TEX26: variants seen among roughly 807,000 people sequenced by gnomAD.
TEX26 encodes testis-expressed protein 26.
A neutral mutation model predicts 35.3 loss-of-function variants in TEX26; 34 were observed. That is an observed-to-expected ratio of 0.96 (90% CI 0.73 to 1.28). The LOEUF is 1.28. TEX26 is among the 50% of genes most tolerant of loss of function. The pLI is 0.00. For synonymous variants in TEX26, 136 were observed against 111.8 expected (o/e 1.22, Z -1.36); for missense variants, 371 against 330.1 (o/e 1.12, Z -0.96).
chr13:30,932,948 G>T (rs1953128476), intron 1 of TEX26, 172 bp downstream of exon 1: 5 of 644,576 alleles, frequency 7.8e-6, no homozygotes, highest in Admixed American at 6.0e-5. Flanking sequence ...CCTTCATGAC[G>T]CTGCCCCTTT....
intron 4 of TEX26, among the ~76,000 whole-genome samples, chr13:30,963,075 G>A (rs746744626): frequency 5.9e-5 from 9 of 151,766 alleles, no homozygotes; most frequent in Non-Finnish European, 1.0e-4. Context: ...TGATCCACCC[G>A]CCTCGGCCTC....
chr13:30,974,131 A>AAATATATATATATATATATAT lies in TEX26; in HGVS notation c.809-714_809-713insATATATATATATATATATATA. Among the ~76,000 whole-genome samples, 14 of 84,408 alleles carry AAATATATATATATATATATAT rather than the reference A, an allele frequency of 1.7e-4. No homozygotes were observed. The East Asian group carries it at 3.8e-3, about 23-fold the overall frequency. 55.4% of individuals were successfully genotyped at this position (84,408 alleles called of 152,430 possible). ...GTGAGCCTCCATCTAAAAAAAAAAA[A>AAATATATATATATATATATAT]ATATATATATATATATATATATATA... On this transcript the variant is annotated intron_variant, in intron 6 of 6. Transcript: ENST00000380473.
intron 4 of TEX26, among the ~76,000 whole-genome samples, chr13:30,962,649 C>T (rs1478906204): frequency 6.6e-6 from 1 of 152,150 alleles, no homozygotes; most frequent in Non-Finnish European, 1.5e-5. Context: ...AGCTTTTTAT[C>T]CTCATTATGG....
chr13:30,971,332 TATC>T (rs1177031010), intron 6 of TEX26, among the ~76,000 whole-genome samples: 1 of 152,184 alleles, frequency 6.6e-6, no homozygotes, highest in East Asian at 1.9e-4. Context: ...GCAGAATTAT[TATC>T]AACTCAGCTT....
At chr13:30,966,110 T>G in intron 4 of TEX26, 112 bp from the exon 5 acceptor site, 1 of 1,071,320 alleles carries the variant, frequency 9.3e-7, no homozygotes, top group Non-Finnish European at 1.4e-6. Flanking sequence ...TATTTCTCCA[T>G]TGAAGTGTTC....
intron 6 of TEX26, among the ~76,000 whole-genome samples, chr13:30,969,631 A>T (rs1954650769): frequency 6.6e-6 from 1 of 152,144 alleles, no homozygotes; most frequent in Non-Finnish European, 1.5e-5. Flanking sequence ...GAACTCAGAG[A>T]ATAAGAGCGC....
chr13:30,943,674 T>G (rs565152084), intron 2 of TEX26, among the ~76,000 whole-genome samples: 1 of 152,000 alleles, frequency 6.6e-6, no homozygotes, highest in Admixed American at 6.5e-5. Context: ...TTTATCATAA[T>G]GGGATGCTGG....
chr13:30,934,752 C>G (rs1031022402), intron 1 of TEX26, among the ~76,000 whole-genome samples: 3 of 152,114 alleles, frequency 2.0e-5, no homozygotes, highest in Non-Finnish European at 4.4e-5. Flanking sequence ...CCGCTACAGC[C>G]GCCCAAACTG....
At chr13:30,952,001 A>ATTTTTTTTTT (rs751918742) in intron 2 of TEX26, among the ~76,000 whole-genome samples, 10 of 50,706 alleles carry the variant, frequency 2.0e-4, no homozygotes, top group East Asian at 1.3e-3. Flanking sequence ...TTATTCTGGG[A>ATTTTTTTTTT]TTTTTTTTTT....
At chr13:30,970,790 C>G (rs1954687682) in intron 6 of TEX26, among the ~76,000 whole-genome samples, 1 of 152,134 alleles carries the variant, frequency 6.6e-6, no homozygotes, top group African/African-American at 2.4e-5. Context: ...TGAGGGTGAA[C>G]TAGGGACTCC....
chr13:30,970,363 T>C (rs1344132788), intron 6 of TEX26, among the ~76,000 whole-genome samples: 4 of 152,114 alleles, frequency 2.6e-5, no homozygotes, highest in Non-Finnish European at 4.4e-5. Flanking sequence ...TCTGTTGAGA[T>C]AAAGGAACAT....
At chr13:30,954,462 T>C (rs911371697) in intron 3 of TEX26, among the ~76,000 whole-genome samples, 1 of 150,298 alleles carries the variant, frequency 6.7e-6, no homozygotes, top group Non-Finnish European at 1.5e-5. Flanking sequence ...TATGTATAAT[T>C]AGATATATTA....
chr13:30,952,943 G>C (rs1336542741), intron 3 of TEX26, 118 bp downstream of exon 3: 1 of 876,760 alleles, frequency 1.1e-6, no homozygotes, highest in Non-Finnish European at 1.7e-6. Flanking sequence ...CAGGATACAT[G>C]GTTCTTTTTA....
chr13:30,969,630 G>A (rs1471236683), intron 6 of TEX26, among the ~76,000 whole-genome samples: 2 of 152,152 alleles, frequency 1.3e-5, no homozygotes, highest in Non-Finnish European at 2.9e-5. Flanking sequence ...TGAACTCAGA[G>A]AATAAGAGCG....
Position 30,966,366 on chromosome 13 carries a change from A to G in TEX26, c.614A>G (p.Tyr205Cys). Residue 205 changes from tyrosine (Y) to cysteine (C), a missense_variant, in exon 5 of 7, where the codon TAC becomes TGC. Transcript: ENST00000380473. ...GATTTCAGTTTCAAATATGGATGCTACTCAAGCTTGCCTGTTGCTTCTCAG... is the reference window on the plus strand; with the variant it reads ...GATTTCAGTTTCAAATATGGATGCTGCTCAAGCTTGCCTGTTGCTTCTCAG... ...LQDFSFKYGCYSSLPVASQGL... is the reference protein window; with the variant it reads ...LQDFSFKYGCCSSLPVASQGL... 1.9e-6 allele frequency: 3 copies of G among 1,612,930 alleles called. No individual in the cohort carries two copies. The highest frequency in any genetic ancestry group is 2.2e-5 in the East Asian group (1 of 44,832).
chr13:30,940,321 C>A (rs1232667726), intron 2 of TEX26, among the ~76,000 whole-genome samples: 1 of 73,768 alleles, frequency 1.4e-5, no homozygotes, highest in Non-Finnish European at 2.7e-5. Context: ...ACATCAGCTG[C>A]CTTTTTTTTT....
intron 6 of TEX26, among the ~76,000 whole-genome samples, chr13:30,974,446 G>T (rs1324933323): frequency 6.6e-6 from 1 of 152,156 alleles, no homozygotes; most frequent in Non-Finnish European, 1.5e-5. Flanking sequence ...CACTGTCTGG[G>T]TGCTTCACAC....
At chr13:30,954,813 GTATACAATATTATACTGTATT>G (rs1046360961) in intron 3 of TEX26, among the ~76,000 whole-genome samples, 3 of 152,074 alleles carry the variant, frequency 2.0e-5, no homozygotes, top group Non-Finnish European at 4.4e-5. Context: ...TATACTGTAT[GTATACAATATTATACTGTATT>G]TATACATTCA....
intron 3 of TEX26, among the ~76,000 whole-genome samples, chr13:30,953,511 G>A (rs1476321333): frequency 6.6e-6 from 1 of 152,182 alleles, no homozygotes; most frequent in East Asian, 1.9e-4. Flanking sequence ...ATGCATCTTT[G>A]GATTGTTTCC....
Sources: gnomAD v4.1 joint callset for allele counts (sites outside exome capture counted in the v4.1 genomes callset) on GRCh38, gnomAD v4.1.1 for gene constraint, MANE v1.5 for transcripts, NCBI Gene and HGNC (gene_info 2026-07-23, HGNC 2026-07-21) for gene names.